Variants in PRDM16 observed in about 807,000 individuals in gnomAD.
PRDM16 encodes PR/SET domain 16.
A neutral mutation model predicts 110.6 loss-of-function variants in PRDM16; 23 were observed. That is an observed-to-expected ratio of 0.21 (90% confidence interval 0.15 to 0.29). The LOEUF (loss-of-function observed/expected upper bound fraction) is 0.29. Among genes scored for constraint, PRDM16 ranks in the 10% least tolerant of loss-of-function variants. PRDM16 has a pLI of 1.00. For missense variants in PRDM16, 1,615 were observed against 1,794.3 expected, an observed-to-expected ratio of 0.90 and a Z score of 1.81; for synonymous variants, 799 against 781.8, an observed-to-expected ratio of 1.02 and a Z score of -0.37.
chr1:3,166,093 G>A (rs1328986665), intron 1 of PRDM16, among the ~76,000 whole-genome samples: 1 of 152,244 alleles, frequency 6.6e-6, no homozygotes, highest in African/African-American at 2.4e-5. Flanking sequence ...TCCTGTTCCT[G>A]GGTCTGAGTG....
chr1:3,184,793 G>T (rs1190309987), intron 1 of PRDM16, among the ~76,000 whole-genome samples: 1 of 152,176 alleles, frequency 6.6e-6, no homozygotes, highest in Non-Finnish European at 1.5e-5. Context: ...TCTAAATGCC[G>T]CCAAGCAGGT....
chr1:3,117,197 C>T (rs1292725022), intron 1 of PRDM16, among the ~76,000 whole-genome samples: 3 of 152,194 alleles, frequency 2.0e-5, no homozygotes, highest in African/African-American at 4.8e-5. Flanking sequence ...TGTCTCACAC[C>T]GGCCTCTATG....
chr1:3,282,426 C>T (rs1055488391), intron 3 of PRDM16, among the ~76,000 whole-genome samples: 3 of 152,220 alleles, frequency 2.0e-5, no homozygotes, highest in Non-Finnish European at 2.9e-5. Flanking sequence ...CCAGGGTCAC[C>T]CTCAGCAGAA....
At chr1:3,079,151 G>A (rs113022923) in intron 1 of PRDM16, among the ~76,000 whole-genome samples, 17 of 152,210 alleles carry the variant, frequency 1.1e-4, no homozygotes, top group South Asian at 6.2e-4. Context: ...GCCGCGTCCC[G>A]GAATCTCCGC....
intron 5 of PRDM16, among the ~76,000 whole-genome samples, chr1:3,402,335 G>C (rs148504435): frequency 6.6e-6 from 1 of 152,236 alleles, no homozygotes; most frequent in East Asian, 1.9e-4. Context: ...ATGCTGCCTC[G>C]TAAACTTAAT....
intron 3 of PRDM16, among the ~76,000 whole-genome samples, chr1:3,292,706 G>A (rs1022085118): frequency 7.2e-5 from 11 of 152,234 alleles, no homozygotes; most frequent in Admixed American, 7.2e-4. Context: ...GTTTGGGGGT[G>A]GAGGTGGCCC....
At chr1:3,088,720 G>A (rs905228652) in intron 1 of PRDM16, among the ~76,000 whole-genome samples, 6 of 150,724 alleles carry the variant, frequency 4.0e-5, no homozygotes, top group Non-Finnish European at 7.4e-5. Flanking sequence ...AGAGTGTTGG[G>A]ATTACAGGCG....
At chr1:3,385,391 T>G in intron 4 of PRDM16, 105 bp downstream of exon 4, 1 of 1,288,176 alleles carries the variant, frequency 7.8e-7, no homozygotes, top group East Asian at 2.3e-5. Context: ...CTGAGCCTCT[T>G]TGGGGACATC....
chr1:3,323,343 C>T (rs1291351526), intron 3 of PRDM16, among the ~76,000 whole-genome samples: 3 of 152,236 alleles, frequency 2.0e-5, no homozygotes, highest in East Asian at 1.9e-4. Context: ...GAGCACTCAG[C>T]CTGCACCACG....
At position 3,400,253 on chromosome 1, in the gene PRDM16, C is replaced by T. The variant is rs559786513; in HGVS notation, c.677-2538C>T. Among the ~76,000 whole-genome samples the T allele has an allele frequency of 6.8e-4, 104 of 152,320 alleles. 1 individual carries two copies. Among genetic ancestry groups the T allele is most frequent in the African/African-American group, 2.3e-3 (96 of 41,570 alleles). On this transcript the variant is annotated intron_variant, in intron 5 of 16. Coordinates refer to ENST00000270722, the MANE Select transcript of PRDM16 (RefSeq NM_022114.4). ...TCTGAAGCGGGCATGCGAATACTGT[C>T]GCCCTTCCCTGGGTGCTTGCAGGTC...
intron 10 of PRDM16, among the ~76,000 whole-genome samples, chr1:3,415,473 C>T (rs1354693407): frequency 4.6e-5 from 7 of 152,266 alleles, no homozygotes; most frequent in Non-Finnish European, 7.3e-5. Context: ...GAAACCTGCG[C>T]CCAGGCTGAG....
Position 3,362,048 on chromosome 1 carries a change from G to A in PRDM16, c.439-23104G>A, listed in dbSNP as rs569099564. ...GAAGTGACTGTGGCCCGGGAGGGGT[G>A]TCTGCTGGTAGCCAGCTGGTCCCGG... On this transcript the variant is annotated intron_variant, in intron 3 of 16. Transcript: ENST00000270722. Among the ~76,000 whole-genome samples the A allele has an allele frequency of 4.6e-5, 7 of 152,074 alleles. No homozygotes were observed. The East Asian group carries it at 1.2e-3, about 25-fold the overall frequency.
chr1:3,162,032 A>G (rs1216750608), intron 1 of PRDM16, among the ~76,000 whole-genome samples: 2 of 152,198 alleles, frequency 1.3e-5, no homozygotes, highest in African/African-American at 2.4e-5. Context: ...ACCACCTCTC[A>G]GGGGCTGCCA....
chr1:3,189,196 T>A (rs1301084227), intron 2 of PRDM16, among the ~76,000 whole-genome samples: 2 of 152,110 alleles, frequency 1.3e-5, no homozygotes, highest in Non-Finnish European at 2.9e-5. Context: ...CCTCTGTAGT[T>A]CCAGACACGA....
At chr1:3,197,065 G>A (rs1172444947) in intron 2 of PRDM16, among the ~76,000 whole-genome samples, 4 of 152,154 alleles carry the variant, frequency 2.6e-5, no homozygotes, top group East Asian at 1.9e-4. Flanking sequence ...TGCACGAGGC[G>A]GCCCGAGGCT....
chr1:3,349,891 T>C (rs746411908), intron 3 of PRDM16, among the ~76,000 whole-genome samples: 36 of 152,156 alleles, frequency 2.4e-4, no homozygotes, highest in Non-Finnish European at 4.7e-4. Context: ...CTGGGCTTGC[T>C]CAGGCGCCCT....
chr1:3,409,849 T>C (rs866306919), intron 8 of PRDM16, among the ~76,000 whole-genome samples: 183 of 127,074 alleles, frequency 1.4e-3, no homozygotes, highest in Middle Eastern at 4.7e-3. Context: ...GTGGTGTGGG[T>C]GTGTGTGTGG....
chr1:3,112,616 G>A (rs1469348740), intron 1 of PRDM16, among the ~76,000 whole-genome samples: 1 of 152,244 alleles, frequency 6.6e-6, no homozygotes. Flanking sequence ...GGTGGAGGGA[G>A]CGTCTGTGGA....
chr1:3,270,444 G>A (rs981273838), intron 3 of PRDM16, among the ~76,000 whole-genome samples: 12 of 150,126 alleles, frequency 8.0e-5, no homozygotes, highest in African/African-American at 3.0e-4. Flanking sequence ...GAGGAGCACA[G>A]TCCAGAAGGA....
Sources: allele counts gnomAD v4.1 joint callset (sites outside exome capture counted in the v4.1 genomes callset), GRCh38; gene constraint gnomAD v4.1.1; transcripts MANE v1.5; gene names NCBI Gene and HGNC (gene_info 2026-07-23, HGNC 2026-07-21).